The following FN1 variants were observed in gnomAD, a reference collection of about 807,000 sequenced individuals.
FN1 encodes the protein fibronectin 1.
Under a neutral mutation model 297.3 loss-of-function variants are expected in FN1, and 106 were observed. The observed-to-expected ratio is 0.36, with a 90% confidence interval of 0.30 to 0.42. FN1 has a LOEUF of 0.42. FN1 is among the 10% of genes least tolerant of loss of function. The pLI is 1.00. For missense variants in FN1, 2,690 were observed against 3,124.9 expected (o/e 0.86, Z 3.32); for synonymous variants, 1,149 against 1,152.6 (o/e 1.00, Z 0.06).
intron 26 of FN1, among the ~76,000 whole-genome samples, chr2:215,388,565 G>A (rs1265183715): frequency 1.3e-5 from 2 of 152,220 alleles, no homozygotes; most frequent in African/African-American, 2.4e-5. Flanking sequence ...GATTTCGAGT[G>A]GGATGAAGTT....
chr2:215,403,955 T>G (rs1280567596), intron 20 of FN1, among the ~76,000 whole-genome samples: 1 of 152,246 alleles, frequency 6.6e-6, no homozygotes, highest in African/African-American at 2.4e-5. Flanking sequence ...ACATAGGTGC[T>G]AATTTTTTCT....
rs774211090 is a variant in FN1 at position 215,397,858 on chromosome 2, G to A, written c.3349-10C>T. 2.9e-5 allele frequency: 46 copies of A among 1,613,512 alleles called. No homozygotes were observed. The African/African-American group carries it at 4.1e-4, about 15-fold the overall frequency. ...TTGGTCGTACACCCAGCTAGAGGAA[G>A]GAATGCAAAGTAAACACCAAGGACA... On this transcript the variant is annotated splice_polypyrimidine_tract_variant and intron_variant, in intron 21 of 45. Coordinates refer to ENST00000354785, the MANE Select transcript of FN1 (RefSeq NM_212482.4).
chr2:215,425,289 A>G lies in FN1; in HGVS notation c.845-4T>C. On this transcript the variant is annotated splice_region_variant and splice_polypyrimidine_tract_variant and intron_variant, in intron 6 of 45. Transcript: ENST00000354785. ...ACATCGGTGAAGGGGCCAGATCCTA[A>G]TGGCATGAAAAGGGAATGTCACAAA... 6.2e-7 allele frequency: 1 copy of G among 1,613,892 alleles called. No individual in the cohort carries two copies. The highest frequency in any genetic ancestry group is 1.1e-5 in the South Asian group (1 of 91,070).
chr2:215,424,861 T>C (rs1369071088), intron 7 of FN1, among the ~76,000 whole-genome samples: 1 of 152,174 alleles, frequency 6.6e-6, no homozygotes, highest in Non-Finnish European at 1.5e-5. Context: ...AACAACACTT[T>C]AGACAGATAA....
chr2:215,418,257 T>C (rs1157207551), intron 12 of FN1, among the ~76,000 whole-genome samples: 1 of 152,134 alleles, frequency 6.6e-6, no homozygotes. Context: ...TGTTTAGTAT[T>C]TAGGATGGAA....
intron 13 of FN1, among the ~76,000 whole-genome samples, chr2:215,411,665 C>CTTTT (rs11367419): frequency 8.3e-6 from 1 of 120,176 alleles, no homozygotes; most frequent in Non-Finnish European, 1.8e-5. Context: ...ATTCAATGTA[C>CTTTT]TTTTTTTTTT....
intron 17 of FN1, among the ~76,000 whole-genome samples, chr2:215,407,726 T>G (rs979246702): frequency 2.6e-5 from 4 of 152,140 alleles, no homozygotes; most frequent in African/African-American, 9.7e-5. Context: ...GATGAGGCAG[T>G]TGAATCACCT....
At chr2:215,381,324 C>T in intron 32 of FN1, 1 of 553,202 alleles carries the variant, frequency 1.8e-6, no homozygotes, top group South Asian at 2.1e-5. Context: ...CAAAATGTCC[C>T]CACAATGGGG....
At position 215,381,935 on chromosome 2, in the gene FN1, T is replaced by A. The variant is rs2289198; in HGVS notation, c.5164+277A>T. On this transcript the variant is annotated intron_variant, in intron 32 of 45. Transcript: ENST00000354785. The stretch of plus-strand genomic sequence containing the variant: ...CGGTCTAGGAAAATTTTTTGTAGAT[T>A]TGCTATAGGCAAATAAGATTTCGCT... 0.26 allele frequency: 103,621 copies of A among 401,932 alleles called. 17,189 individuals are homozygous for A. Among genetic ancestry groups the A allele is most frequent in the East Asian group, 0.8 (13,783 of 17,308 alleles). 24.9% of individuals were successfully genotyped at this position (401,932 alleles called of 1,614,324 possible). A position where few individuals can be genotyped will look rare whatever the true frequency, so the allele number is the denominator to read the frequency against.
chr2:215,424,096 C>T (rs1386823970), intron 8 of FN1, 50 bp downstream of exon 8: 1 of 1,552,994 alleles, frequency 6.4e-7, no homozygotes, highest in Non-Finnish European at 8.9e-7. Flanking sequence ...AAAACTAGGG[C>T]ATGAAAGTGA....
At chr2:215,379,343 G>T (rs367690071) in intron 33 of FN1, 26 bp from the exon 34 acceptor site, 2 of 1,605,278 alleles carry the variant, frequency 1.2e-6, no homozygotes, top group African/African-American at 1.3e-5. Context: ...TTGGTTAGAG[G>T]TTATCTTATA....
chr2:215,397,679 C>T lies in FN1; in HGVS notation c.3517+1G>A, dbSNP rs925967935. On this transcript the variant is annotated splice_donor_variant, in intron 22 of 45. Transcript: ENST00000354785. LOFTEE classifies it high-confidence loss of function. ...TAGAAAAGGGAAAAAATTCTTCTTA[C>T]GTGTCACCACTTTGTTTACAATTGG... 5.0e-6 allele frequency: 8 copies of T among 1,613,608 alleles called. No individual in the cohort carries two copies. The highest frequency in any genetic ancestry group is 1.3e-5 in the African/African-American group (1 of 74,908).
At chr2:215,405,926 A>C (rs1324142526) in intron 19 of FN1, among the ~76,000 whole-genome samples, 1 of 152,154 alleles carries the variant, frequency 6.6e-6, no homozygotes, top group Non-Finnish European at 1.5e-5. Flanking sequence ...CTGCATTTTA[A>C]CTTTGATCTA....
At position 215,408,091 on chromosome 2, in the gene FN1, G is replaced by A. The variant is rs375880598; in HGVS notation, c.2518+17C>T. ...TAAGATTAACATAGCAGCCAAAGAG[G>A]GGGACGCTTAGCTGACCTGTGATGG... On this transcript the variant is annotated intron_variant, in intron 17 of 45. Coordinates refer to ENST00000354785, the MANE Select transcript of FN1 (RefSeq NM_212482.4). 3.1e-6 allele frequency: 5 copies of A among 1,600,774 alleles called. No homozygotes were observed. Among genetic ancestry groups the A allele is most frequent in the Non-Finnish European group, 4.3e-6 (5 of 1,167,968 alleles).
Position 215,406,238 on chromosome 2 carries a change from T to C in FN1, c.2986A>G (p.Lys996Glu). Reference protein sequence around the residue: ...SKPLTAQQTTKLDAPTNLQFV... With the variant: ...SKPLTAQQTTELDAPTNLQFV... ...GAGATAGAGATAGGAGAAGACATAC[T>C]GGTTGTCTGTTGAGCAGTCAGAGGC... The change falls in exon 19 of 46, where the codon AAA (lysine) becomes GAA (glutamate). Residue 996 changes from lysine (K) to glutamate (E), a missense_variant and splice_region_variant. Physicochemically the swap from Lys to Glu is moderately conservative, Grantham distance 56. Coordinates refer to ENST00000354785, the MANE Select transcript of FN1 (RefSeq NM_212482.4). 1.2e-6 allele frequency: 2 copies of C among 1,614,038 alleles called. No individual in the cohort carries two copies. Among genetic ancestry groups the C allele is most frequent in the Middle Eastern group, 1.7e-4 (1 of 6,060 alleles).
intron 7 of FN1, among the ~76,000 whole-genome samples, chr2:215,424,727 T>C (rs2065036834): frequency 1.3e-5 from 2 of 152,198 alleles, no homozygotes; most frequent in Non-Finnish European, 2.9e-5. Context: ...CCATAGTGAC[T>C]ACCATGTTTG....
rs139603893 is a variant in FN1, at chr2:215,404,580, C to T, written c.3062G>A (p.Arg1021Gln). 2.8e-4 allele frequency: 449 copies of T among 1,613,822 alleles called. 1 individual carries two copies. The highest frequency in any genetic ancestry group is 3.5e-4 in the Non-Finnish European group (412 of 1,179,892). The change falls in exon 20 of 46, where the codon CGG becomes CAG. Residue 1021 changes from arginine (R) to glutamine (Q), a missense_variant. This residue lies in a region of FN1 where 1,743 missense variants were observed against 1,945.2 expected (regional missense o/e 0.90). Coordinates refer to ENST00000354785, the MANE Select transcript of FN1 (RefSeq NM_212482.4). ...CAGTCGGTATCCTGTTATCTGGGCC[C>T]GAGGTGGAGTCCATCTCACCAGGAC... Reference protein sequence around the residue: ...STVLVRWTPPRAQITGYRLTV... With the variant: ...STVLVRWTPPQAQITGYRLTV...
At chr2:215,397,022 G>A in intron 23 of FN1, 115 bp downstream of exon 23, 1 of 800,102 alleles carries the variant, frequency 1.2e-6, no homozygotes, top group Non-Finnish European at 2.3e-6. Context: ...TTTTTATGGA[G>A]AGCTAAGCAT....
In FN1 at chr2:215,367,915, C is replaced by G; in HGVS notation, c.6966G>C (p.Leu2322=). ...WERMSESGFK[L]LCQCLGFGSG... ...TTCCAAAGCCTAAGCACTGGCACAA[C>G]AGTTTAAAGCCTGATTCAGACATTC... The change falls in exon 42 of 46, where the codon CTG becomes CTC. Residue 2322 remains leucine (L), a synonymous_variant. Coordinates refer to ENST00000354785, the MANE Select transcript of FN1 (RefSeq NM_212482.4). 1 of 1,614,152 alleles carries G rather than the reference C, an allele frequency of 6.2e-7. No homozygotes were observed.
Sources: gnomAD v4.1 joint callset for allele counts (sites outside exome capture counted in the v4.1 genomes callset) on GRCh38, gnomAD v4.1.1 for gene constraint, gnomAD v4.1.1 regional missense constraint, MANE v1.5 for transcripts, NCBI Gene and HGNC (gene_info 2026-07-23, HGNC 2026-07-21) for gene names.